The following TNRC18 variants were observed in gnomAD, a reference collection of about 807,000 sequenced individuals.
TNRC18 encodes the protein trinucleotide repeat-containing gene 18 protein.
TNRC18 carries 69 observed loss-of-function variants against 226.7 expected under a neutral mutation model. The observed-to-expected ratio is 0.30, with a 90% CI of 0.25 to 0.37. TNRC18 has a LOEUF of 0.37. Among genes scored for constraint, TNRC18 ranks in the 10% least tolerant of loss-of-function variants. The pLI, the probability that TNRC18 is intolerant of heterozygous loss-of-function variation, is 1.00. For missense variants in TNRC18, 4,754 were observed against 4,256.6 expected (o/e 1.12, Z -3.25); for synonymous variants, 2,449 against 1,927.6 (o/e 1.27, Z -7.09).
At chr7:5,353,161 T>C (rs570084108) in intron 16 of TNRC18, among the ~76,000 whole-genome samples, 3 of 152,278 alleles carry the variant, frequency 2.0e-5, no homozygotes, top group Admixed American at 1.3e-4. Flanking sequence ...CTCTCTCTTG[T>C]ATGCTCCAAT....
rs184933497 is a variant in TNRC18 at position 5,354,837 on chromosome 7, C to T, written c.5194+2079G>A. Among the ~76,000 whole-genome samples the T allele has an allele frequency of 7.9e-5, 12 of 152,282 alleles. No individual in the cohort carries two copies. In the South Asian group the frequency reaches 2.5e-3, roughly 32 times the overall value. On this transcript the variant is annotated intron_variant, in intron 16 of 29. Transcript: ENST00000430969. The stretch of plus-strand genomic sequence containing the variant: ...GCTCACTTAAGGCCCCCAACGACCC[C>T]GTAAAGCAGGTGACGATATCTTAAC...
intron 3 of TNRC18, among the ~76,000 whole-genome samples, chr7:5,392,512 G>A (rs1584045176): frequency 6.6e-6 from 1 of 152,200 alleles, no homozygotes; most frequent in Admixed American, 6.5e-5. Flanking sequence ...TACTCAGGAG[G>A]CTGAGGCAGG....
rs1237061743 is a variant in TNRC18 at position 5,308,076 on chromosome 7, G to T, written c.*30C>A. The T allele has an allele frequency of 6.5e-7, 1 of 1,538,450 alleles. No individual in the cohort carries two copies. Among genetic ancestry groups the T allele is most frequent in the Non-Finnish European group, 8.8e-7 (1 of 1,138,714 alleles). On this transcript the variant is annotated 3_prime_UTR_variant, in exon 30 of 30. Coordinates refer to ENST00000430969, the MANE Select transcript of TNRC18 (RefSeq NM_001080495.3). ...GAGATGGGTCCCTGGCCGCCCTCGG[G>T]GCACAGGTGGCCCGCAGGGCCCGGC... is the stretch of plus-strand genomic sequence containing the variant.
chr7:5,377,534 G>A lies in TNRC18; in HGVS notation c.2298C>T (p.Thr766=), dbSNP rs984744700. Residue 766 remains threonine, a synonymous_variant, in exon 7 of 30, where the codon ACC becomes ACT. Transcript: ENST00000430969. The surrounding 1 kb of genome is among the most constrained non-coding windows in gnomAD (Gnocchi z 5.8). Reference sequence around the variant, plus strand: ...GGTTCAGGCCGTTAGGAGCACAGCTGGTAGGGTGCAGGCGGGCCAGGTCAG... The same window carrying A: ...GGTTCAGGCCGTTAGGAGCACAGCTAGTAGGGTGCAGGCGGGCCAGGTCAG... ...ELADLARLHP[T]SCAPNGLNPN... The A allele has an allele frequency of 6.3e-7, 1 of 1,591,634 alleles. No individual in the cohort carries two copies. Among genetic ancestry groups the A allele is most frequent in the Non-Finnish European group, 8.5e-7 (1 of 1,169,624 alleles).
intron 18 of TNRC18, among the ~76,000 whole-genome samples, chr7:5,333,333 G>A (rs1282563140): frequency 6.6e-6 from 1 of 152,216 alleles, no homozygotes; most frequent in Non-Finnish European, 1.5e-5. Flanking sequence ...AACCCCATGT[G>A]ACTTGTGGAA....
intron 19 of TNRC18, among the ~76,000 whole-genome samples, chr7:5,331,167 C>T (rs1789484430): frequency 6.6e-6 from 1 of 152,134 alleles, no homozygotes; most frequent in African/African-American, 2.4e-5. Flanking sequence ...TTGTGATCTT[C>T]TCTAGAATGT....
In TNRC18 at chr7:5,361,954, C is replaced by T. The variant is rs762518195; in HGVS notation, c.4475G>A (p.Arg1492His). 44 of 1,611,040 alleles carry T rather than the reference C, an allele frequency of 2.7e-5. No homozygotes were observed. Among genetic ancestry groups the T allele is most frequent in the African/African-American group, 4.0e-5 (3 of 74,908 alleles). ...DFRMRLAEVQ[R>H]QYKEKQRELV... The stretch of plus-strand genomic sequence containing the variant: ...CTCACGCTGCTTCTCCTTGTACTGG[C>T]GCTGCACCTCGGCCAGCCGCATCCG... Residue 1492 changes from arginine to histidine, a missense_variant, in exon 13 of 30, where the codon CGC becomes CAC. Transcript: ENST00000430969.
At position 5,361,703 on chromosome 7, in the gene TNRC18, G is replaced by C; in HGVS notation, c.4552C>G (p.His1518Asp). 1 of 1,567,562 alleles carries C rather than the reference G, an allele frequency of 6.4e-7. No individual in the cohort carries two copies. The highest frequency in any genetic ancestry group is 2.4e-5 in the East Asian group (1 of 42,006). The change falls in exon 14 of 30, where the codon CAT becomes GAT. Residue 1518 changes from histidine to aspartate, a missense_variant. Physicochemically the swap from His to Asp is moderately conservative, Grantham distance 81 (BLOSUM62 -1). Transcript: ENST00000430969. Reference protein sequence around the residue: ...RDSEDRREEPHRSLARRGPGR... With the variant: ...RDSEDRREEPDRSLARRGPGR... ...GGGCCTCTGCGTGCCAAGCTTCTATGGGGTTCCTCGCGCCTGTCCCTTAAA... is the reference window on the plus strand; with the variant it reads ...GGGCCTCTGCGTGCCAAGCTTCTATCGGGTTCCTCGCGCCTGTCCCTTAAA...
At chr7:5,418,918 G>C (rs903921872) in intron 2 of TNRC18, among the ~76,000 whole-genome samples, 5 of 152,180 alleles carry the variant, frequency 3.3e-5, no homozygotes, top group African/African-American at 1.2e-4. Context: ...GTCTCCTTGC[G>C]GCTACTCGAA....
rs1055451644 is a variant in TNRC18 at position 5,362,012 on chromosome 7, G to T, written c.4417C>A (p.Leu1473Met). The change falls in exon 13 of 30, where the codon CTG becomes ATG. Residue 1473 changes from leucine (L) to methionine (M), a missense_variant. Transcript: ENST00000430969. Reference protein sequence around the residue: ...EERMYAMKSSLEDMDALELDF... With the variant: ...EERMYAMKSSMEDMDALELDF... ...AGCTCCAGGGCGTCCATGTCCTCCAGGGAGGACTTCATGGCATACATCTGG... is the reference window on the plus strand; with the variant it reads ...AGCTCCAGGGCGTCCATGTCCTCCATGGAGGACTTCATGGCATACATCTGG... 1.9e-6 allele frequency: 3 copies of T among 1,613,568 alleles called. No homozygotes were observed. The highest frequency in any genetic ancestry group is 2.5e-6 in the Non-Finnish European group (3 of 1,179,744).
intron 24 of TNRC18, among the ~76,000 whole-genome samples, chr7:5,317,206 C>A (rs1787934514): frequency 6.6e-6 from 1 of 151,962 alleles, no homozygotes; most frequent in Non-Finnish European, 1.5e-5. Flanking sequence ...ATTCAGGGTC[C>A]CCAGACGCCT....
chr7:5,320,479 T>C (rs1299196980), intron 23 of TNRC18, 53 bp from the exon 24 acceptor site: 1 of 1,569,198 alleles, frequency 6.4e-7, no homozygotes, highest in African/African-American at 1.4e-5. Context: ...GGCCATGGCC[T>C]TGGACACCCA....
chr7:5,342,585 A>C (rs1480259321), intron 18 of TNRC18, among the ~76,000 whole-genome samples: 1 of 152,208 alleles, frequency 6.6e-6, no homozygotes, highest in Non-Finnish European at 1.5e-5. Context: ...GAATTGTTGC[A>C]ATGTCATGAG....
At chr7:5,386,061 TG>T (rs1779764871) in intron 5 of TNRC18, among the ~76,000 whole-genome samples, 1 of 124,714 alleles carries the variant, frequency 8.0e-6, no homozygotes, top group African/African-American at 3.0e-5. Context: ...CCGAGGCGGG[TG>T]GATCACTTGA....
In TNRC18 at chr7:5,394,102, A is replaced by T. The variant is rs1192355163; in HGVS notation, c.343+338T>A. Among the ~76,000 whole-genome samples the T allele has an allele frequency of 6.6e-6, 1 of 152,116 alleles. No homozygotes were observed. Among genetic ancestry groups the T allele is most frequent in the Non-Finnish European group, 1.5e-5 (1 of 68,026 alleles). On this transcript the variant is annotated intron_variant, in intron 3 of 29. Transcript: ENST00000430969. This position sits in a 1 kb window ranked among gnomAD's most constrained non-coding sequence, Gnocchi z 4.5. Reference sequence around the variant, plus strand: ...TGAACTCAGGGCTCACTCCGGTGGGAAAGCGGGTAGTTCATGAATGATGAG... The same window carrying T: ...TGAACTCAGGGCTCACTCCGGTGGGTAAGCGGGTAGTTCATGAATGATGAG...
intron 14 of TNRC18, 68 bp downstream of exon 14, chr7:5,361,526 G>A: frequency 7.0e-7 from 1 of 1,424,634 alleles, no homozygotes; most frequent in South Asian, 1.5e-5. Context: ...GGCAGGCCCT[G>A]CGTGGGGCCC....
In TNRC18 at chr7:5,312,381, G is replaced by C. The variant is rs2128103351; in HGVS notation, c.8388+122C>G. ...TACCCATCCATAAAGTGGGACGCCA[G>C]CCCTCCACCCTGGGGTTCTGGGAGG... On this transcript the variant is annotated intron_variant, in intron 27 of 29. Coordinates refer to ENST00000430969, the MANE Select transcript of TNRC18 (RefSeq NM_001080495.3). This position sits in a 1 kb window ranked among gnomAD's most constrained non-coding sequence, Gnocchi z 6.3. 7.1e-7 allele frequency: 1 copy of C among 1,404,252 alleles called. No homozygotes were observed. The highest frequency in any genetic ancestry group is 1.4e-5 in the African/African-American group (1 of 69,090). 87.0% of individuals were successfully genotyped at this position (1,404,252 alleles called of 1,614,324 possible). A position where few individuals can be genotyped will look rare whatever the true frequency, so the allele number is the denominator to read the frequency against.
intron 19 of TNRC18, chr7:5,329,810 G>A: frequency 4.7e-6 from 2 of 424,354 alleles, no homozygotes; most frequent in Non-Finnish European, 4.8e-6. Context: ...CTTAACCACT[G>A]GACTACATTG....
At chr7:5,408,431 T>G (rs1212642808) in intron 2 of TNRC18, among the ~76,000 whole-genome samples, 3 of 151,902 alleles carry the variant, frequency 2.0e-5, no homozygotes, top group African/African-American at 7.3e-5. Context: ...GTAGATCACC[T>G]GAGGTCAGGA....
Sources: allele counts gnomAD v4.1 joint callset (sites outside exome capture counted in the v4.1 genomes callset), GRCh38; gene constraint gnomAD v4.1.1; non-coding constraint Gnocchi (gnomAD v3.1); transcripts MANE v1.5; gene names NCBI Gene and HGNC (gene_info 2026-07-23, HGNC 2026-07-21).